Variants in CA10 observed in about 807,000 individuals in gnomAD.
CA10 encodes the protein carbonic anhydrase-related protein 10.
CA10 carries 14 observed loss-of-function variants against 44.2 expected under a neutral mutation model. The observed-to-expected ratio is 0.32, with a 90% CI of 0.21 to 0.50. The LOEUF (loss-of-function observed/expected upper bound fraction) is 0.50, where lower values mean the gene tolerates loss of function less well. Ranked by LOEUF, CA10 falls within the 20% of genes least tolerant of loss-of-function variation. The pLI, the probability that CA10 is intolerant of heterozygous loss-of-function variation, is 0.99. For synonymous variants in CA10, 159 were observed against 141.6 expected (o/e 1.12, Z -0.87); for missense variants, 350 against 409.7 (o/e 0.85, Z 1.26).
intron 4 of CA10, among the ~76,000 whole-genome samples, chr17:51,709,653 A>G (rs1452159214): frequency 6.6e-6 from 1 of 152,286 alleles, no homozygotes; most frequent in Non-Finnish European, 1.5e-5. Flanking sequence ...CTTACTAGAC[A>G]GAATAGCATA....
At chr17:52,137,698 T>G (rs1484347251) in intron 1 of CA10, among the ~76,000 whole-genome samples, 1 of 152,202 alleles carries the variant, frequency 6.6e-6, no homozygotes, top group South Asian at 2.1e-4. Context: ...CCAGTAAATA[T>G]TTATTTAATA....
chr17:51,869,629 G>A lies in CA10; in HGVS notation c.279+61361C>T, dbSNP rs138869765. Among the ~76,000 whole-genome samples, 576 of 152,280 alleles carry A rather than the reference G, an allele frequency of 3.8e-3. 4 individuals carry two copies. The highest frequency in any genetic ancestry group is 0.011 in the African/African-American group (463 of 41,550). ...GAGGCACGGAGTGAAAGCCATTTAG[G>A]CTGGGTATAGTGGCTCATGCTTGTG... On this transcript the variant is annotated intron_variant, in intron 3 of 8. Transcript: ENST00000451037.
intron 3 of CA10, among the ~76,000 whole-genome samples, chr17:51,920,353 G>A (rs1194827728): frequency 6.6e-6 from 1 of 151,984 alleles, no homozygotes; most frequent in African/African-American, 2.4e-5. Flanking sequence ...AAGAGACACA[G>A]GGAAATGATG....
At chr17:51,906,731 C>T (rs892191814) in intron 3 of CA10, among the ~76,000 whole-genome samples, 3 of 152,142 alleles carry the variant, frequency 2.0e-5, no homozygotes, top group Non-Finnish European at 4.4e-5. Flanking sequence ...TCTCCCATCC[C>T]TGCCAAAGTC....
At chr17:51,941,281 T>C (rs1388242121) in intron 2 of CA10, among the ~76,000 whole-genome samples, 2 of 152,134 alleles carry the variant, frequency 1.3e-5, no homozygotes, top group Non-Finnish European at 2.9e-5. Flanking sequence ...GAATTAAGCC[T>C]CCTGAATCAG....
intron 1 of CA10, among the ~76,000 whole-genome samples, chr17:52,097,268 TA>T (rs1988426732): frequency 6.6e-6 from 1 of 152,182 alleles, no homozygotes; most frequent in East Asian, 1.9e-4. Context: ...TGTGTGTCAA[TA>T]GATGGGTTTG....
At chr17:52,046,635 C>T (rs920803543) in intron 2 of CA10, among the ~76,000 whole-genome samples, 1 of 151,798 alleles carries the variant, frequency 6.6e-6, no homozygotes, top group Non-Finnish European at 1.5e-5. Context: ...AACATTTAAT[C>T]TTCTAGAAAA....
Position 52,084,558 on chromosome 17 carries a change from T to C in CA10, c.62-12165A>G, listed in dbSNP as rs143276326. Among the ~76,000 whole-genome samples, 5 of 152,194 alleles carry C rather than the reference T, an allele frequency of 3.3e-5. No homozygotes were observed. In the East Asian group the frequency reaches 9.6e-4, roughly 29 times the overall value. Reference sequence around the variant, plus strand: ...TGTATCTGAGGAGATTTGAGGACCATCCCTATCTCAGCTACTACTTCAATG... The same window carrying C: ...TGTATCTGAGGAGATTTGAGGACCACCCCTATCTCAGCTACTACTTCAATG... On this transcript the variant is annotated intron_variant, in intron 1 of 8. Coordinates refer to ENST00000451037, the MANE Select transcript of CA10 (RefSeq NM_020178.5).
intron 6 of CA10, among the ~76,000 whole-genome samples, chr17:51,639,003 G>A (rs1253681696): frequency 6.6e-6 from 1 of 152,090 alleles, no homozygotes; most frequent in African/African-American, 2.4e-5. Context: ...AATGTGGCTG[G>A]TGGGGTCAGC....
At chr17:51,693,554 C>T (rs1353477461) in intron 4 of CA10, among the ~76,000 whole-genome samples, 1 of 152,068 alleles carries the variant, frequency 6.6e-6, no homozygotes, top group Non-Finnish European at 1.5e-5. Context: ...CATGAGTACC[C>T]AATGTTTACC....
In CA10 at chr17:51,917,038, ATC is replaced by A. The variant is rs1170666068; in HGVS notation, c.279+13950_279+13951del. On this transcript the variant is annotated intron_variant, in intron 3 of 8. Transcript: ENST00000451037. Reference sequence around the variant, plus strand: ...CCAGTTTCTATTAATTTTGACTGCAATCAACTCACCTTTCTTCTGGGAATTGC... The same window carrying A: ...CCAGTTTCTATTAATTTTGACTGCAAAACTCACCTTTCTTCTGGGAATTGC... 3.4e-4 allele frequency among the ~76,000 whole-genome samples: 52 copies of A among 152,302 alleles called. 1 individual carries two copies. The East Asian group carries it at 8.1e-3, about 24-fold the overall frequency.
At chr17:52,041,527 T>G in intron 2 of CA10, among the ~76,000 whole-genome samples, 1 of 152,130 alleles carries the variant, frequency 6.6e-6, no homozygotes, top group Non-Finnish European at 1.5e-5. Context: ...GTGAAATGAT[T>G]ACCACCAAAT....
intron 1 of CA10, among the ~76,000 whole-genome samples, chr17:52,110,977 G>C (rs1988777837): frequency 6.6e-6 from 1 of 152,198 alleles, no homozygotes. Flanking sequence ...ATCATTCTAT[G>C]TCCAAATATG....
At position 51,860,759 on chromosome 17, in the gene CA10, C is replaced by T. The variant is rs149119668; in HGVS notation, c.279+70231G>A. On this transcript the variant is annotated intron_variant, in intron 3 of 8. Transcript: ENST00000451037. ...TGTGTCTATAATAAACACTACATAG[C>T]AGTTATTGATTTATCTCTCCCACTA... Among the ~76,000 whole-genome samples, 626 of 152,214 alleles carry T rather than the reference C, an allele frequency of 4.1e-3. 3 individuals are homozygous for T. Among genetic ancestry groups the T allele is most frequent in the African/African-American group, 0.014 (592 of 41,522 alleles).
At chr17:51,671,421 T>C (rs1914417863) in intron 4 of CA10, among the ~76,000 whole-genome samples, 1 of 152,172 alleles carries the variant, frequency 6.6e-6, no homozygotes, top group South Asian at 2.1e-4. Flanking sequence ...GTTTTTGTTT[T>C]TGAGATGGAA....
chr17:52,159,070 C>T (rs1263561418), upstream of CA10, among the ~76,000 whole-genome samples: 3 of 152,222 alleles, frequency 2.0e-5, no homozygotes, highest in Admixed American at 6.5e-5. Flanking sequence ...TCGAGTTTCT[C>T]TTCTTAAAAA....
intron 1 of CA10, among the ~76,000 whole-genome samples, chr17:52,146,914 C>T (rs1027426886): frequency 2.0e-5 from 3 of 152,016 alleles, no homozygotes; most frequent in African/African-American, 7.2e-5. Context: ...CCACTAAATA[C>T]AGAATTTTTT....
Position 51,633,499 on chromosome 17 carries a change from C to T in CA10, c.941G>A (p.Arg314Gln), listed in dbSNP as rs1162617772. The T allele has an allele frequency of 4.3e-6, 7 of 1,613,484 alleles. No homozygotes were observed. The highest frequency in any genetic ancestry group is 2.7e-5 in the African/African-American group (2 of 74,896). ...SLQGKDCPNNRAQKLQYRVNE... is the reference protein window; with the variant it reads ...SLQGKDCPNNQAQKLQYRVNE... ...ACCTCTATACTGAAGCTTCTGGGCT[C>T]GGTTGTTTGGACAGTCCTTCCCCTG... The change falls in exon 8 of 9, where the codon CGA becomes CAA. Residue 314 changes from arginine to glutamine, a missense_variant. Physicochemically the swap from Arg to Gln is conservative, Grantham distance 43. Transcript: ENST00000451037.
intron 4 of CA10, among the ~76,000 whole-genome samples, chr17:51,734,043 C>CATCAT (rs138387828): frequency 0.65 from 98,415 of 151,216 alleles, 32,217 homozygotes; most frequent in Admixed American, 0.73. Context: ...TTCAATATTG[C>CATCAT]GACAAGAAAA....
Sources: allele counts gnomAD v4.1 joint callset (sites outside exome capture counted in the v4.1 genomes callset), GRCh38; gene constraint gnomAD v4.1.1; transcripts MANE v1.5; gene names NCBI Gene and HGNC (gene_info 2026-07-23, HGNC 2026-07-21).